Variants in TMEM108 observed in about 807,000 individuals in gnomAD.
The protein encoded by TMEM108 is transmembrane protein 108.
In TMEM108, 12 loss-of-function variants were observed where a neutral mutation model predicts 35.1. The observed-to-expected ratio is 0.34, with a 90% CI of 0.22 to 0.55. The LOEUF (loss-of-function observed/expected upper bound fraction) is 0.55, where lower values mean the gene tolerates loss of function less well. Among genes scored for constraint, TMEM108 ranks in the 20% least tolerant of loss-of-function variants. The probability of loss-of-function intolerance (pLI) is 0.89; values close to 1 mark genes in which losing one functional copy is unlikely to be tolerated. For synonymous variants in TMEM108, 287 were observed against 308.6 expected, an observed-to-expected ratio of 0.93 and a Z score of 0.73; for missense variants, 680 against 753.3, an observed-to-expected ratio of 0.90 and a Z score of 1.14.
At chr3:133,310,706 C>A (rs1280575096) in intron 3 of TMEM108, among the ~76,000 whole-genome samples, 2 of 151,576 alleles carry the variant, frequency 1.3e-5, no homozygotes, top group Admixed American at 6.6e-5. Flanking sequence ...TTAATTGGGG[C>A]ATTTAGTCCA....
chr3:133,257,712 T>C (rs1946567352), intron 3 of TMEM108, among the ~76,000 whole-genome samples: 1 of 152,234 alleles, frequency 6.6e-6, no homozygotes, highest in African/African-American at 2.4e-5. Flanking sequence ...TGAAAAGGGA[T>C]GAAACTCTCT....
intron 3 of TMEM108, among the ~76,000 whole-genome samples, chr3:133,252,962 T>G (rs1946492587): frequency 6.6e-6 from 1 of 152,204 alleles, no homozygotes; most frequent in Non-Finnish European, 1.5e-5. Flanking sequence ...AGGGGAATCC[T>G]GGAACCAATC....
chr3:133,256,681 C>G (rs551801288), intron 3 of TMEM108, among the ~76,000 whole-genome samples: 1 of 152,112 alleles, frequency 6.6e-6, no homozygotes, highest in East Asian at 1.9e-4. Context: ...ACTTCCAAAC[C>G]AGTAAAACAG....
intron 2 of TMEM108, among the ~76,000 whole-genome samples, chr3:133,209,252 A>G (rs74393908): frequency 0.014 from 2,087 of 151,324 alleles, 54 homozygotes; most frequent in African/African-American, 0.048. Context: ...TATTTTGCCA[A>G]GCTGGTCTCA....
At chr3:133,087,464 T>G (rs1576311722) in intron 2 of TMEM108, among the ~76,000 whole-genome samples, 1 of 152,340 alleles carries the variant, frequency 6.6e-6, no homozygotes, top group Middle Eastern at 3.4e-3. Context: ...TGGCTTGGGG[T>G]TAACCACAGA....
chr3:133,042,197 G>A (rs755104928), intron 1 of TMEM108, among the ~76,000 whole-genome samples: 2 of 152,124 alleles, frequency 1.3e-5, no homozygotes, highest in African/African-American at 2.4e-5. Context: ...TGAGGGCCCC[G>A]GCTTTGACTC....
chr3:133,057,617 G>A (rs1182295565), intron 2 of TMEM108, among the ~76,000 whole-genome samples: 1 of 151,372 alleles, frequency 6.6e-6, no homozygotes, highest in Non-Finnish European at 1.5e-5. Flanking sequence ...ACCTTTACTG[G>A]TTGTTTAAAT....
chr3:133,065,827 G>A (rs75893925), intron 2 of TMEM108, among the ~76,000 whole-genome samples: 4,206 of 152,190 alleles, frequency 0.028, 104 homozygotes, highest in South Asian at 0.061. Flanking sequence ...GGGTGGGACC[G>A]CACATCTGAA....
At chr3:133,323,405 C>G (rs1452634407) in intron 3 of TMEM108, among the ~76,000 whole-genome samples, 3 of 152,096 alleles carry the variant, frequency 2.0e-5, no homozygotes, top group Non-Finnish European at 2.9e-5. Flanking sequence ...AGAATCAAAT[C>G]AAGAACTCAC....
chr3:133,233,194 G>A (rs1395983881), intron 3 of TMEM108, among the ~76,000 whole-genome samples: 2 of 151,622 alleles, frequency 1.3e-5, no homozygotes, highest in African/African-American at 4.9e-5. Context: ...TCCCCGCTCC[G>A]CCACCCCACA....
chr3:133,042,515 A>G (rs1943287360), intron 1 of TMEM108, among the ~76,000 whole-genome samples: 3 of 152,210 alleles, frequency 2.0e-5, no homozygotes, highest in South Asian at 4.1e-4. Flanking sequence ...TTCCAAGTCT[A>G]AAGTTATATG....
chr3:133,046,100 G>A (rs1559815130), intron 2 of TMEM108, 80 bp downstream of exon 2: 1 of 152,616 alleles, frequency 6.6e-6, no homozygotes, highest in Non-Finnish European at 1.5e-5. Flanking sequence ...GTCTCTTGGA[G>A]TCAGTGCAAT....
chr3:133,316,384 G>A (rs1283377490), intron 3 of TMEM108, among the ~76,000 whole-genome samples: 1 of 152,072 alleles, frequency 6.6e-6, no homozygotes, highest in Non-Finnish European at 1.5e-5. Flanking sequence ...AAGAAAGTTG[G>A]TACCCATTGG....
intron 2 of TMEM108, among the ~76,000 whole-genome samples, chr3:133,171,148 C>G (rs999821991): frequency 6.6e-6 from 1 of 152,054 alleles, no homozygotes; most frequent in African/African-American, 2.4e-5. Flanking sequence ...GACTGGCTTT[C>G]TGTTAATCTG....
rs142091143 is a variant in TMEM108, at chr3:133,387,850, C to G, written c.1451-2330C>G. On this transcript the variant is annotated intron_variant, in intron 4 of 5. Transcript: ENST00000321871. ...TTCTAAATTCGATGTCCCTTTTGCC[C>G]TATTGACTAGGCCTAAGATGGCATC... is the stretch of plus-strand genomic sequence containing the variant. 3.3e-4 allele frequency: 328 copies of G among 985,430 alleles called. 1 individual carries two copies. In the Middle Eastern group the frequency reaches 3.7e-3, roughly 11 times the overall value. The allele number at this position is 985,430 out of a possible 1,614,324, so 61.0% of individuals were successfully genotyped here. A position where few individuals can be genotyped will look rare whatever the true frequency, so the allele number is the denominator to read the frequency against.
At chr3:133,228,233 T>G (rs1355152777) in intron 2 of TMEM108, among the ~76,000 whole-genome samples, 1 of 151,332 alleles carries the variant, frequency 6.6e-6, no homozygotes, top group Non-Finnish European at 1.5e-5. Context: ...CTACTTGGGA[T>G]GTCATGAGAA....
At chr3:133,192,104 G>C (rs1185160813) in intron 2 of TMEM108, among the ~76,000 whole-genome samples, 1 of 152,094 alleles carries the variant, frequency 6.6e-6, no homozygotes, top group African/African-American at 2.4e-5. Context: ...CACAAGCTCT[G>C]ACAGCTTGAA....
intron 2 of TMEM108, among the ~76,000 whole-genome samples, chr3:133,153,623 C>T (rs1944833339): frequency 6.6e-6 from 1 of 152,196 alleles, no homozygotes; most frequent in African/African-American, 2.4e-5. Context: ...AAGCACTTGG[C>T]TTTTGATCCT....
chr3:133,210,129 A>G (rs1945814927), intron 2 of TMEM108, among the ~76,000 whole-genome samples: 1 of 152,296 alleles, frequency 6.6e-6, no homozygotes, highest in South Asian at 2.1e-4. Context: ...CACTTCCTCC[A>G]TCTCTCGTAA....
Sources: allele counts gnomAD v4.1 joint callset (sites outside exome capture counted in the v4.1 genomes callset), GRCh38; gene constraint gnomAD v4.1.1; transcripts MANE v1.5; gene names NCBI Gene and HGNC (gene_info 2026-07-23, HGNC 2026-07-21).